The following C4orf50 variants were observed in gnomAD, a reference collection of about 807,000 sequenced individuals.
C4orf50 encodes the protein uncharacterized protein C4orf50.
In C4orf50, 80 loss-of-function variants were observed where a neutral mutation model predicts 77.2. That is an observed-to-expected ratio of 1.04 (90% CI 0.87 to 1.25). The LOEUF (loss-of-function observed/expected upper bound fraction) is 1.25. Ranked by LOEUF, C4orf50 falls within the 50% of genes most tolerant of loss-of-function variation. The probability of loss-of-function intolerance (pLI) is 0.00; values close to 1 mark genes in which losing one functional copy is unlikely to be tolerated. For synonymous variants in C4orf50, 532 were observed against 465.3 expected (o/e 1.14, Z -1.84); for missense variants, 1,257 against 1,152.9 (o/e 1.09, Z -1.31).
At chr4:5,979,819 C>G (rs1577960041) in intron 29 of C4orf50, among the ~76,000 whole-genome samples, 1 of 152,192 alleles carries the variant, frequency 6.6e-6, no homozygotes, top group Non-Finnish European at 1.5e-5. Flanking sequence ...TGTTAAGTCC[C>G]GTGCAATTCT....
In C4orf50 at chr4:5,986,607, C is replaced by T. The variant is rs549150100; in HGVS notation, c.3699+1740G>A. ...AGGCTGGAGTGCAGTGGCACAATCT[C>T]GGCTCACTGCAACCTCCGCCTCCCA... On this transcript the variant is annotated intron_variant, in intron 28 of 33. Coordinates refer to ENST00000531445, the Ensembl canonical transcript of C4orf50. Among the ~76,000 whole-genome samples the T allele has an allele frequency of 1.7e-4, 26 of 150,222 alleles. No homozygotes were observed. The East Asian group carries it at 4.3e-3, about 25-fold the overall frequency.
intron 33 of C4orf50, among the ~76,000 whole-genome samples, chr4:5,962,484 G>A (rs1421129079): frequency 6.6e-6 from 1 of 152,200 alleles, no homozygotes; most frequent in African/African-American, 2.4e-5. Flanking sequence ...TCTGGCCAGT[G>A]TCACTGACAG....
In C4orf50 at chr4:5,970,513, G is replaced by A. The variant is rs377036856; in HGVS notation, c.4105-3051C>T. ...GGTGACCCATGGACGCTAGTGACCC[G>A]GATGGCACAACAGCAGATGCCAGCA... On this transcript the variant is annotated intron_variant, in intron 31 of 33. Coordinates refer to ENST00000531445, the Ensembl canonical transcript of C4orf50. The surrounding 1 kb of genome is among the most constrained non-coding windows in gnomAD (Gnocchi z 4.3). Among the ~76,000 whole-genome samples the A allele has an allele frequency of 2.4e-4, 36 of 152,294 alleles. No individual in the cohort carries two copies. Among genetic ancestry groups the A allele is most frequent in the South Asian group, 1.7e-3 (8 of 4,822 alleles).
At chr4:6,010,338 G>T (rs988424007) in intron 24 of C4orf50, among the ~76,000 whole-genome samples, 1 of 152,090 alleles carries the variant, frequency 6.6e-6, no homozygotes, top group Non-Finnish European at 1.5e-5. Flanking sequence ...ATTCCACTAG[G>T]ATATCTCCCT....
intron 29 of C4orf50, among the ~76,000 whole-genome samples, chr4:5,978,917 A>T (rs1720424773): frequency 6.6e-6 from 1 of 152,262 alleles, no homozygotes; most frequent in Non-Finnish European, 1.5e-5. Flanking sequence ...ACATGGGCAA[A>T]TGAACATAAA....
chr4:5,976,605 G>T (rs1490392250), intron 29 of C4orf50, among the ~76,000 whole-genome samples: 1 of 152,188 alleles, frequency 6.6e-6, no homozygotes, highest in Admixed American at 6.5e-5. Context: ...AGACAGCAGG[G>T]GTCCTAATCC....
In C4orf50 at chr4:5,905,663, C is replaced by T. The variant is rs1359595028; in HGVS notation, c.*2475-7475G>A. Among the ~76,000 whole-genome samples the T allele has an allele frequency of 1.3e-5, 2 of 152,178 alleles. No individual in the cohort carries two copies. The highest frequency in any genetic ancestry group is 4.8e-5 in the African/African-American group (2 of 41,440). ...CTTAGCTTGGAATTATTAGATAATG[C>T]TCTCTTTATTTGGGGTGCTTCAGAC... On this transcript the variant is annotated intron_variant, in intron 7 of 7. Coordinates refer to the C4orf50 transcript ENST00000324058. The surrounding 1 kb of genome is among the most constrained non-coding windows in gnomAD (Gnocchi z 5.4).
intron 30 of C4orf50, among the ~76,000 whole-genome samples, chr4:5,975,184 T>G (rs1439800388): frequency 1.7e-5 from 2 of 115,118 alleles, no homozygotes; most frequent in African/African-American, 3.2e-5. Context: ...AAAAACTACA[T>G]CACAGTGTTT....
chr4:5,969,982 C>G (rs1286877590), intron 31 of C4orf50, among the ~76,000 whole-genome samples: 1 of 152,082 alleles, frequency 6.6e-6, no homozygotes, highest in Non-Finnish European at 1.5e-5. Context: ...AGTGCTGTGT[C>G]CCAGGTGAGC....
Position 6,015,014 on chromosome 4 carries a change from A to G in C4orf50, c.288-3046T>C, listed in dbSNP as rs1053147389. On this transcript the variant is annotated intron_variant, in intron 23 of 33. Transcript: ENST00000531445. The surrounding 1 kb of genome is among the most constrained non-coding windows in gnomAD (Gnocchi z 4.4). ...TTCCCTGCCTGTCTTCCTGGGGTCC[A>G]TTGATCTTCTGGTTTCCACCACCAA... 1.1e-4 allele frequency among the ~76,000 whole-genome samples: 17 copies of G among 152,198 alleles called. No homozygotes were observed. Among genetic ancestry groups the G allele is most frequent in the South Asian group, 4.2e-4 (2 of 4,810 alleles).
intron 31 of C4orf50, among the ~76,000 whole-genome samples, chr4:5,969,407 C>T (rs970780493): frequency 1.7e-4 from 26 of 150,264 alleles, no homozygotes; most frequent in Admixed American, 4.0e-4. Context: ...TCCAAAAGCC[C>T]GCAACTAGAT....
intron 7 of C4orf50, among the ~76,000 whole-genome samples, chr4:5,909,697 G>A (rs1716713632): frequency 6.6e-6 from 1 of 152,178 alleles, no homozygotes; most frequent in South Asian, 2.1e-4. Flanking sequence ...GTGAGAGATA[G>A]GGGTCTAGTT....
At chr4:5,918,018 G>A (rs1232458940) in intron 7 of C4orf50, among the ~76,000 whole-genome samples, 3 of 152,148 alleles carry the variant, frequency 2.0e-5, no homozygotes, top group South Asian at 2.1e-4. Context: ...CTAGGGCCCC[G>A]AGGGTGAAGC....
At chr4:5,917,568 C>CT in intron 7 of C4orf50, among the ~76,000 whole-genome samples, 2 of 151,954 alleles carry the variant, frequency 1.3e-5, no homozygotes, top group East Asian at 3.9e-4. Context: ...CACGCACCAC[C>CT]ACATCCAGCT....
rs762117781 is a variant in C4orf50, at chr4:5,905,600, C to G, written c.*2475-7412G>C. ...GTGGTGGACTTATATCATGGAGTAT[C>G]TATCATACAATTATCAGCTTGCTTT... On this transcript the variant is annotated intron_variant, in intron 7 of 7. Coordinates refer to the C4orf50 transcript ENST00000324058. This position sits in a 1 kb window ranked among gnomAD's most constrained non-coding sequence, Gnocchi z 5.4. Among the ~76,000 whole-genome samples the G allele has an allele frequency of 2.0e-5, 3 of 152,204 alleles. No homozygotes were observed. Among genetic ancestry groups the G allele is most frequent in the Non-Finnish European group, 4.4e-5 (3 of 68,038 alleles).
chr4:5,911,625 C>T (rs1052744687), intron 7 of C4orf50, among the ~76,000 whole-genome samples: 5 of 152,128 alleles, frequency 3.3e-5, no homozygotes, highest in Non-Finnish European at 5.9e-5. Flanking sequence ...TTTGCCTGCC[C>T]CAGATAAAAA....
chr4:5,906,342 G>C (rs1292567170), intron 7 of C4orf50, among the ~76,000 whole-genome samples: 1 of 152,050 alleles, frequency 6.6e-6, no homozygotes, highest in Non-Finnish European at 1.5e-5. Flanking sequence ...GGTGACATTC[G>C]AGCAGTCTTG....
intron 7 of C4orf50, among the ~76,000 whole-genome samples, chr4:5,946,350 C>G (rs925657398): frequency 6.6e-6 from 1 of 152,208 alleles, no homozygotes; most frequent in Non-Finnish European, 1.5e-5. Context: ...CTTCAATGCA[C>G]CCCCTGTGCT....
intron 26 of C4orf50, 107 bp downstream of exon 4, chr4:5,994,239 AC>A: frequency 5.0e-6 from 2 of 396,472 alleles, no homozygotes. Flanking sequence ...GGGAGGGGGG[AC>A]CACCCCCTCT....
Sources: allele counts gnomAD v4.1 joint callset (sites outside exome capture counted in the v4.1 genomes callset), GRCh38; gene constraint gnomAD v4.1.1; non-coding constraint Gnocchi (gnomAD v3.1); transcripts MANE v1.5; gene names NCBI Gene and HGNC (gene_info 2026-07-23, HGNC 2026-07-21).